The following TBC1D4 variants were observed in gnomAD, a reference collection of about 807,000 sequenced individuals.
The protein encoded by TBC1D4 is TBC (Tre-2, BUB2, CDC16) domain-containing protein.
A neutral mutation model predicts 142.5 loss-of-function variants in TBC1D4; 121 were observed. The ratio of observed to expected loss-of-function variants is 0.85; its 90% CI spans 0.73 to 0.99. TBC1D4 has a LOEUF of 0.99. Ranked by LOEUF, TBC1D4 falls within the 50% of genes least tolerant of loss-of-function variation. The pLI is 0.00. For missense variants in TBC1D4, 1,475 were observed against 1,606.6 expected (o/e 0.92, Z 1.40); for synonymous variants, 630 against 628.2 (o/e 1.00, Z -0.04).
chr13:75,450,395 C>G (rs1476120249), intron 1 of TBC1D4, among the ~76,000 whole-genome samples: 1 of 152,054 alleles, frequency 6.6e-6, no homozygotes, highest in Non-Finnish European at 1.5e-5. Flanking sequence ...AAAAAAAGCC[C>G]TTTAGTATTA....
In TBC1D4 at chr13:75,356,207, A is replaced by G. The variant is rs1008965871; in HGVS notation, c.1215T>C (p.Ser405=). 2 of 1,613,726 alleles carry G rather than the reference A, an allele frequency of 1.2e-6. No individual in the cohort carries two copies. The highest frequency in any genetic ancestry group is 1.7e-6 in the Non-Finnish European group (2 of 1,179,816). ...TATACTGGCTAAGTCCAGGCTCTGG[A>G]GACTCCCGGCAGATAAAGCCAAAGT... ...VDHFGFICRE[S]PEPGLSQYIC... is the part of the protein sequence containing the mutation. The change falls in exon 4 of 21, where the codon TCT becomes TCC. Residue 405 remains serine, a synonymous_variant. Transcript: ENST00000377636.
intron 1 of TBC1D4, among the ~76,000 whole-genome samples, chr13:75,366,717 T>G (rs1197594154): frequency 1.3e-5 from 2 of 152,182 alleles, no homozygotes; most frequent in Non-Finnish European, 2.9e-5. Flanking sequence ...GATTCCTTGA[T>G]GTCATGCTGT....
rs1030321417 is a variant in TBC1D4, at chr13:75,413,432, T to C, written c.499-50825A>G. Among the ~76,000 whole-genome samples the C allele has an allele frequency of 7.2e-5, 11 of 152,224 alleles. 1 individual carries two copies. Among genetic ancestry groups the C allele is most frequent in the Non-Finnish European group, 1.3e-4 (9 of 68,040 alleles). ...GCCTCGGTCTCCCAAAGTGCTGGGA[T>C]TACAGGCGTGAGCCACCGCACCCGG... On this transcript the variant is annotated intron_variant, in intron 1 of 20. Transcript: ENST00000377636.
At chr13:75,312,998 G>A in intron 12 of TBC1D4, 100 bp from the exon 13 acceptor site, 2 of 1,355,378 alleles carry the variant, frequency 1.5e-6, no homozygotes, top group Non-Finnish European at 2.1e-6. Flanking sequence ...TTCTGTCACG[G>A]GCAAGCACAA....
rs1227924085 is a variant in TBC1D4, at chr13:75,377,843, T to TA, written c.499-15237dup. On this transcript the variant is annotated intron_variant, in intron 1 of 20. Transcript: ENST00000377636. ...CATATCTATCATAAACCGGGCCTGA[T>TA]AGAGTTCACTGGTGAATCTTTGCTA... is the stretch of plus-strand genomic sequence containing the variant. 1.1e-4 allele frequency among the ~76,000 whole-genome samples: 17 copies of TA among 151,876 alleles called. No homozygotes were observed. The East Asian group carries it at 2.5e-3, about 22-fold the overall frequency.
intron 1 of TBC1D4, 55 bp downstream of exon 1, chr13:75,481,215 C>CAA: frequency 8.0e-7 from 1 of 1,244,432 alleles, no homozygotes; most frequent in Non-Finnish European, 1.1e-6. Context: ...TCCCGCCCTG[C>CAA]TCCCCGATCC....
At chr13:75,295,124 G>T in intron 17 of TBC1D4, 111 bp from the exon 18 acceptor site, 1 of 984,360 alleles carries the variant, frequency 1.0e-6, no homozygotes, top group Non-Finnish European at 1.5e-6. Flanking sequence ...ACATATATAA[G>T]TAGTATTACT....
chr13:75,367,080 T>A, intron 1 of TBC1D4: 1 of 678,096 alleles, frequency 1.5e-6, no homozygotes, highest in Non-Finnish European at 1.8e-6. Context: ...CAGCCAATTA[T>A]AAAACTTCCC....
At chr13:75,330,444 G>A (rs1162342058) in intron 8 of TBC1D4, among the ~76,000 whole-genome samples, 1 of 152,172 alleles carries the variant, frequency 6.6e-6, no homozygotes, top group Non-Finnish European at 1.5e-5. Context: ...CGCTTATCAT[G>A]TGCCATATAC....
At chr13:75,300,339 C>T (rs757073426) in intron 16 of TBC1D4, among the ~76,000 whole-genome samples, 3 of 151,942 alleles carry the variant, frequency 2.0e-5, no homozygotes, top group Admixed American at 6.6e-5. Context: ...GTTCTATACA[C>T]AGAAACAAAT....
At chr13:75,377,495 G>GC (rs1327290547) in intron 1 of TBC1D4, among the ~76,000 whole-genome samples, 1 of 151,924 alleles carries the variant, frequency 6.6e-6, no homozygotes, top group Non-Finnish European at 1.5e-5. Context: ...GAACAAAAGG[G>GC]CCCACATGCA....
At chr13:75,381,762 C>T (rs1163382924) in intron 1 of TBC1D4, among the ~76,000 whole-genome samples, 1 of 152,208 alleles carries the variant, frequency 6.6e-6, no homozygotes, top group Non-Finnish European at 1.5e-5. Context: ...AGGCGCTAAG[C>T]ATGCAAACAT....
At chr13:75,451,153 C>T (rs1419232311) in intron 1 of TBC1D4, among the ~76,000 whole-genome samples, 1 of 152,164 alleles carries the variant, frequency 6.6e-6, no homozygotes, top group Admixed American at 6.5e-5. Flanking sequence ...TTCTCTGCCA[C>T]TAATTATGTG....
Position 75,348,579 on chromosome 13 carries a change from T to C in TBC1D4, c.1408+591A>G, listed in dbSNP as rs561815335. ...TAGTAAGAGATAAACGAAAAGGAAGTTGAGTCACAGGATCATCTCTTTCTC... is the reference window on the plus strand; with the variant it reads ...TAGTAAGAGATAAACGAAAAGGAAGCTGAGTCACAGGATCATCTCTTTCTC... On this transcript the variant is annotated intron_variant, in intron 5 of 20. Transcript: ENST00000377636. 6.6e-5 allele frequency among the ~76,000 whole-genome samples: 10 copies of C among 152,300 alleles called. No homozygotes were observed. The South Asian group carries it at 1.9e-3, about 28-fold the overall frequency.
At chr13:75,419,065 TCACACACACAAA>T (rs963724420) in intron 1 of TBC1D4, among the ~76,000 whole-genome samples, 1 of 152,000 alleles carries the variant, frequency 6.6e-6, no homozygotes, top group Non-Finnish European at 1.5e-5. Flanking sequence ...TCTCTCTCTT[TCACACACACAAA>T]CACACACACA....
chr13:75,442,395 A>G (rs1247732618), intron 1 of TBC1D4, among the ~76,000 whole-genome samples: 1 of 152,252 alleles, frequency 6.6e-6, no homozygotes, highest in East Asian at 1.9e-4. Flanking sequence ...TCTAATAACA[A>G]TAATGAAATA....
In TBC1D4 at chr13:75,284,019, C is replaced by A. The variant is rs554952336; in HGVS notation, c.*2773G>T. On this transcript the variant is annotated 3_prime_UTR_variant, in exon 21 of 21. Transcript: ENST00000377636. Reference sequence around the variant, plus strand: ...CTCCCAGGTTCAAACTATTCTCCAGCCTCCTATAAGTAGCAATATATGCCT... The same window carrying A: ...CTCCCAGGTTCAAACTATTCTCCAGACTCCTATAAGTAGCAATATATGCCT... Among the ~76,000 whole-genome samples, 1 of 152,186 alleles carries A rather than the reference C, an allele frequency of 6.6e-6. No homozygotes were observed. Among genetic ancestry groups the A allele is most frequent in the Admixed American group, 6.5e-5 (1 of 15,288 alleles).
chr13:75,296,334 A>T (rs1451865090), intron 17 of TBC1D4, among the ~76,000 whole-genome samples: 1 of 152,218 alleles, frequency 6.6e-6, no homozygotes, highest in African/African-American at 2.4e-5. Flanking sequence ...GTATTTTGGT[A>T]AGCACAAAAA....
At chr13:75,343,251 C>T (rs1443411786) in intron 5 of TBC1D4, among the ~76,000 whole-genome samples, 1 of 152,162 alleles carries the variant, frequency 6.6e-6, no homozygotes, top group African/African-American at 2.4e-5. Context: ...TGAAAATACA[C>T]ATTGTTTTAA....
Sources: allele counts gnomAD v4.1 joint callset (sites outside exome capture counted in the v4.1 genomes callset), GRCh38; gene constraint gnomAD v4.1.1; transcripts MANE v1.5; gene names NCBI Gene and HGNC (gene_info 2026-07-23, HGNC 2026-07-21).